ZNF385B: variants seen among roughly 807,000 people sequenced by gnomAD.
ZNF385B encodes zinc finger protein 385B, also known as zinc finger protein 533.
In ZNF385B, 23 loss-of-function variants were observed where a neutral mutation model predicts 39.2. The observed-to-expected ratio is 0.59, with a 90% CI of 0.42 to 0.83. The LOEUF (loss-of-function observed/expected upper bound fraction) is 0.83, where lower values mean the gene tolerates loss of function less well. Among genes scored for constraint, ZNF385B ranks in the 40% least tolerant of loss-of-function variants. ZNF385B has a pLI of 0.00. For missense variants in ZNF385B, 552 were observed against 598.9 expected (o/e 0.92, Z 0.82); for synonymous variants, 205 against 222.6 (o/e 0.92, Z 0.70).
intron 3 of ZNF385B, among the ~76,000 whole-genome samples, chr2:179,560,750 C>G (rs1469938722): frequency 2.0e-5 from 3 of 152,112 alleles, no homozygotes; most frequent in Non-Finnish European, 4.4e-5. Context: ...TTGGCTCCCA[C>G]CATAATACTT....
At chr2:179,455,976 G>C (rs2050664352) in intron 6 of ZNF385B, among the ~76,000 whole-genome samples, 1 of 151,986 alleles carries the variant, frequency 6.6e-6, no homozygotes, top group Non-Finnish European at 1.5e-5. Flanking sequence ...CCTGTAGTAG[G>C]CTGTACTGCC....
chr2:179,664,662 T>C (rs1694923785), intron 3 of ZNF385B, among the ~76,000 whole-genome samples: 1 of 152,178 alleles, frequency 6.6e-6, no homozygotes, highest in Non-Finnish European at 1.5e-5. Flanking sequence ...TCTTGTATTA[T>C]GAAATATTAT....
At chr2:179,669,906 A>G (rs890616835) in intron 3 of ZNF385B, among the ~76,000 whole-genome samples, 4 of 152,166 alleles carry the variant, frequency 2.6e-5, no homozygotes, top group African/African-American at 9.7e-5. Flanking sequence ...GAAATGTTTT[A>G]AAGAAGAGAT....
chr2:179,526,742 A>C (rs1392102648), intron 4 of ZNF385B, among the ~76,000 whole-genome samples: 1 of 152,220 alleles, frequency 6.6e-6, no homozygotes, highest in East Asian at 1.9e-4. Flanking sequence ...TACCCAGAGC[A>C]CCCTGACAAG....
At chr2:179,735,979 G>A (rs1043564542) in intron 3 of ZNF385B, among the ~76,000 whole-genome samples, 4 of 149,826 alleles carry the variant, frequency 2.7e-5, no homozygotes, top group Admixed American at 6.6e-5. Flanking sequence ...ACATGTACAC[G>A]TATGTAACCT....
chr2:179,807,967 T>C (rs1282974908), intron 1 of ZNF385B, among the ~76,000 whole-genome samples: 2 of 151,254 alleles, frequency 1.3e-5, no homozygotes, highest in East Asian at 3.9e-4. Flanking sequence ...TACAGCAGGC[T>C]ACCATTTATA....
At chr2:179,648,432 G>A (rs750691215) in intron 3 of ZNF385B, among the ~76,000 whole-genome samples, 1 of 152,090 alleles carries the variant, frequency 6.6e-6, no homozygotes, top group Non-Finnish European at 1.5e-5. Flanking sequence ...GTAAAGTCAT[G>A]GTTTTCAACA....
chr2:179,514,628 G>A (rs763010217), intron 5 of ZNF385B, among the ~76,000 whole-genome samples: 1 of 152,104 alleles, frequency 6.6e-6, no homozygotes, highest in Non-Finnish European at 1.5e-5. Context: ...GAAAAGGGAA[G>A]AAATAATATG....
chr2:179,491,392 G>T (rs1397114813), intron 5 of ZNF385B, among the ~76,000 whole-genome samples: 1 of 152,076 alleles, frequency 6.6e-6, no homozygotes, highest in African/African-American at 2.4e-5. Flanking sequence ...CTTAAGGGAG[G>T]CCACATGAAG....
intron 3 of ZNF385B, among the ~76,000 whole-genome samples, chr2:179,557,389 A>G (rs1399123144): frequency 7.4e-6 from 1 of 135,972 alleles, no homozygotes; most frequent in Non-Finnish European, 1.6e-5. Context: ...AATTCAATGA[A>G]AGAAAAGCCA....
At chr2:179,676,597 G>A (rs923923527) in intron 3 of ZNF385B, among the ~76,000 whole-genome samples, 6 of 151,534 alleles carry the variant, frequency 4.0e-5, no homozygotes, top group African/African-American at 7.4e-5. Flanking sequence ...GACCTGGAGA[G>A]CAGCGGGGGG....
At chr2:179,850,809 C>T (rs774920566) in intron 1 of ZNF385B, among the ~76,000 whole-genome samples, 12 of 152,086 alleles carry the variant, frequency 7.9e-5, no homozygotes, top group Non-Finnish European at 1.6e-4. Flanking sequence ...TGGGCTAGAC[C>T]GAGAGATCCT....
At chr2:179,839,294 G>C (rs1164195164) in intron 1 of ZNF385B, among the ~76,000 whole-genome samples, 1 of 152,154 alleles carries the variant, frequency 6.6e-6, no homozygotes, top group African/African-American at 2.4e-5. Flanking sequence ...GACCTTACCA[G>C]AGAGAACTGT....
intron 3 of ZNF385B, among the ~76,000 whole-genome samples, chr2:179,758,168 C>A (rs1361403749): frequency 1.3e-5 from 2 of 152,148 alleles, no homozygotes; most frequent in East Asian, 1.9e-4. Context: ...GTCTATTTTT[C>A]CACCCCTCTA....
At chr2:179,611,249 A>C (rs1324234969) in intron 3 of ZNF385B, among the ~76,000 whole-genome samples, 1 of 152,166 alleles carries the variant, frequency 6.6e-6, no homozygotes, top group Non-Finnish European at 1.5e-5. Context: ...TTCTATCACG[A>C]AGAGATGTTG....
chr2:179,819,715 C>G (rs1223382304), intron 1 of ZNF385B, among the ~76,000 whole-genome samples: 1 of 152,204 alleles, frequency 6.6e-6, no homozygotes, highest in Non-Finnish European at 1.5e-5. Flanking sequence ...GTCCAAACCT[C>G]AAGGACAGGT....
intron 1 of ZNF385B, among the ~76,000 whole-genome samples, chr2:179,783,159 G>C (rs1704772903): frequency 6.6e-6 from 1 of 152,080 alleles, no homozygotes; most frequent in Non-Finnish European, 1.5e-5. Context: ...CCAGAATATA[G>C]AGCCCAGAAA....
chr2:179,731,903 C>A (rs1189132028), intron 3 of ZNF385B, among the ~76,000 whole-genome samples: 1 of 152,204 alleles, frequency 6.6e-6, no homozygotes, highest in East Asian at 1.9e-4. Flanking sequence ...GCCTGCTTTG[C>A]CAACTCTTAT....
Position 179,769,550 on chromosome 2 carries a change from T to G in ZNF385B, c.251A>C (p.Gln84Pro), listed in dbSNP as rs749122027. Residue 84 changes from glutamine (Q) to proline (P), a missense_variant, in exon 3 of 10, where the codon CAG (glutamine) becomes CCG (proline). Transcript: ENST00000410066. ...GCTGGCCTGGGCGGGTGGTGGGGGC[T>G]GCCCATCACTCAGCTGCTTCACTCG... ...RKRVKQLSDG[Q>P]PPPPAQASPS... The G allele has an allele frequency of 1.9e-6, 3 of 1,614,016 alleles. No individual in the cohort carries two copies. Among genetic ancestry groups the G allele is most frequent in the East Asian group, 4.5e-5 (2 of 44,894 alleles).
Sources: allele counts gnomAD v4.1 joint callset (sites outside exome capture counted in the v4.1 genomes callset), GRCh38; gene constraint gnomAD v4.1.1; transcripts MANE v1.5; gene names NCBI Gene and HGNC (gene_info 2026-07-23, HGNC 2026-07-21).